ALDH1A2: variants seen among roughly 807,000 people sequenced by gnomAD.
The protein encoded by ALDH1A2 is retinal dehydrogenase 2.
Under a neutral mutation model 60.3 loss-of-function variants are expected in ALDH1A2, and 27 were observed. The observed-to-expected ratio is 0.45, with a 90% CI of 0.33 to 0.62. The LOEUF (loss-of-function observed/expected upper bound fraction) is 0.62. Ranked by LOEUF, ALDH1A2 falls within the 20% of genes least tolerant of loss-of-function variation. ALDH1A2 has a pLI of 0.02. For missense variants in ALDH1A2, 581 were observed against 643.8 expected, an observed-to-expected ratio of 0.90 and a Z score of 1.06; for synonymous variants, 289 against 232.4, an observed-to-expected ratio of 1.24 and a Z score of -2.21.
At chr15:58,006,080 A>T (rs919607353) in intron 4 of ALDH1A2, among the ~76,000 whole-genome samples, 2 of 150,852 alleles carry the variant, frequency 1.3e-5, no homozygotes, top group African/African-American at 4.9e-5. Flanking sequence ...GGTTACATGA[A>T]TAAGTTCTTT....
intron 1 of ALDH1A2, among the ~76,000 whole-genome samples, chr15:58,051,402 A>G (rs1896776041): frequency 6.6e-6 from 1 of 152,084 alleles, no homozygotes; most frequent in African/African-American, 2.4e-5. Flanking sequence ...CCCAGAAAAG[A>G]AAAAAAGAGG....
At chr15:58,022,738 G>C (rs1275782350) in intron 1 of ALDH1A2, among the ~76,000 whole-genome samples, 1 of 152,172 alleles carries the variant, frequency 6.6e-6, no homozygotes, top group East Asian at 1.9e-4. Context: ...GGAAATCACA[G>C]ATATCACTGA....
At chr15:58,038,989 A>G (rs972636333) in intron 1 of ALDH1A2, among the ~76,000 whole-genome samples, 22 of 151,870 alleles carry the variant, frequency 1.4e-4, no homozygotes, top group Non-Finnish European at 2.8e-4. Context: ...TTCACTCTGG[A>G]AAGTTTTTTG....
intron 7 of ALDH1A2, among the ~76,000 whole-genome samples, chr15:57,982,694 A>C (rs1373525683): frequency 6.6e-6 from 1 of 152,226 alleles, no homozygotes; most frequent in Non-Finnish European, 1.5e-5. Flanking sequence ...CCATCTGCAT[A>C]GTTTTGTAGA....
chr15:58,014,043 AAAGG>A (rs771078825), intron 2 of ALDH1A2, 45 bp from the exon 3 acceptor site: 1 of 1,614,072 alleles, frequency 6.2e-7, no homozygotes, highest in Admixed American at 1.7e-5. Flanking sequence ...CACTCCAAAT[AAAGG>A]AAGAACCATC....
chr15:58,013,791 A>C (rs1296728623), intron 3 of ALDH1A2, 67 bp downstream of exon 3: 16 of 1,589,044 alleles, frequency 1.0e-5, no homozygotes, highest in Non-Finnish European at 1.2e-5. Context: ...AATACAGCCG[A>C]AGAATGTAAA....
intron 1 of ALDH1A2, among the ~76,000 whole-genome samples, chr15:58,040,638 G>C (rs1356760130): frequency 6.6e-6 from 1 of 151,974 alleles, no homozygotes; most frequent in Non-Finnish European, 1.5e-5. Context: ...ATCTATGGCT[G>C]TTCCCCGTCT....
intron 12 of ALDH1A2, among the ~76,000 whole-genome samples, chr15:57,957,925 G>C (rs1200933018): frequency 1.3e-5 from 2 of 151,424 alleles, no homozygotes; most frequent in African/African-American, 4.8e-5. Flanking sequence ...GGGTGGGTGG[G>C]AGCGGGTCAC....
intron 1 of ALDH1A2, chr15:58,058,153 G>A (rs1364938627): frequency 4.6e-6 from 6 of 1,317,334 alleles, no homozygotes; most frequent in African/African-American, 2.9e-5. Flanking sequence ...ATTCATACAG[G>A]CATTTCATAA....
chr15:58,058,671 A>T (rs1183348824), intron 1 of ALDH1A2, among the ~76,000 whole-genome samples: 1 of 152,148 alleles, frequency 6.6e-6, no homozygotes, highest in Non-Finnish European at 1.5e-5. Flanking sequence ...TTCCAGTTTG[A>T]CCTAAACAAA....
At chr15:58,055,885 A>C (rs1355236846) in intron 1 of ALDH1A2, among the ~76,000 whole-genome samples, 3 of 134,998 alleles carry the variant, frequency 2.2e-5, no homozygotes, top group African/African-American at 8.1e-5. Context: ...AATAATGTAG[A>C]GTTATTCAAA....
At chr15:58,042,801 C>G (rs969101594) in intron 1 of ALDH1A2, among the ~76,000 whole-genome samples, 1 of 151,912 alleles carries the variant, frequency 6.6e-6, no homozygotes, top group African/African-American at 2.4e-5. Flanking sequence ...AAAGCCCTTG[C>G]AAATGAAGGT....
chr15:58,032,086 C>G (rs1402401162), intron 1 of ALDH1A2, among the ~76,000 whole-genome samples: 1 of 152,096 alleles, frequency 6.6e-6, no homozygotes. Flanking sequence ...TTCACAATAG[C>G]AAAGACTTGG....
chr15:57,967,130 C>A (rs1274329883), intron 7 of ALDH1A2, among the ~76,000 whole-genome samples: 2 of 151,772 alleles, frequency 1.3e-5, no homozygotes, highest in Non-Finnish European at 2.9e-5. Context: ...CAGCGGAGAA[C>A]CCCAGCTAGG....
At chr15:58,040,244 C>T (rs555850056) in intron 1 of ALDH1A2, among the ~76,000 whole-genome samples, 3 of 151,978 alleles carry the variant, frequency 2.0e-5, no homozygotes, top group African/African-American at 7.2e-5. Flanking sequence ...AAAGCACTGG[C>T]TCTCTGAATC....
intron 1 of ALDH1A2, among the ~76,000 whole-genome samples, chr15:58,032,210 A>T (rs1896258333): frequency 6.6e-6 from 1 of 152,150 alleles, no homozygotes; most frequent in South Asian, 2.1e-4. Flanking sequence ...TTGTAGGGAC[A>T]TGGATGAAGC....
At chr15:58,050,932 C>A (rs1275169083) in intron 1 of ALDH1A2, among the ~76,000 whole-genome samples, 2 of 152,172 alleles carry the variant, frequency 1.3e-5, no homozygotes, top group African/African-American at 4.8e-5. Context: ...CAATGCATAT[C>A]CTAAGGTTGA....
At chr15:58,032,172 G>A (rs1415722741) in intron 1 of ALDH1A2, among the ~76,000 whole-genome samples, 1 of 152,078 alleles carries the variant, frequency 6.6e-6, no homozygotes, top group Non-Finnish European at 1.5e-5. Flanking sequence ...ATACTATGCA[G>A]CCATAAAAAA....
intron 4 of ALDH1A2, among the ~76,000 whole-genome samples, chr15:58,004,178 G>T (rs971842166): frequency 6.6e-6 from 1 of 151,706 alleles, no homozygotes; most frequent in East Asian, 1.9e-4. Flanking sequence ...TACCCTTTAC[G>T]GGGAGAAATT....
Sources: gnomAD v4.1 joint callset for allele counts (sites outside exome capture counted in the v4.1 genomes callset) on GRCh38, gnomAD v4.1.1 for gene constraint, MANE v1.5 for transcripts, NCBI Gene and HGNC (gene_info 2026-07-23, HGNC 2026-07-21) for gene names.